NELL2: variants seen among roughly 807,000 people sequenced by gnomAD.
NELL2 encodes protein kinase C-binding protein NELL2.
Under a neutral mutation model 109.6 loss-of-function variants are expected in NELL2, and 41 were observed. The ratio of observed to expected loss-of-function variants is 0.37; its 90% CI spans 0.29 to 0.49. The LOEUF (loss-of-function observed/expected upper bound fraction) is 0.49. Ranked by LOEUF, NELL2 falls within the 20% of genes least tolerant of loss-of-function variation. NELL2 has a pLI of 0.98. For missense variants in NELL2, 900 were observed against 1,008.3 expected, an observed-to-expected ratio of 0.89 and a Z score of 1.45; for synonymous variants, 355 against 344.7, an observed-to-expected ratio of 1.03 and a Z score of -0.33.
At chr12:44,902,061 G>A (rs1945666842) in intron 1 of NELL2, among the ~76,000 whole-genome samples, 1 of 152,274 alleles carries the variant, frequency 6.6e-6, no homozygotes, top group East Asian at 1.9e-4. Flanking sequence ...GGGCAATCCG[G>A]CAAGAGAAAG....
intron 12 of NELL2, among the ~76,000 whole-genome samples, chr12:44,687,279 G>A (rs899436900): frequency 6.6e-5 from 10 of 152,258 alleles, no homozygotes; most frequent in East Asian, 3.9e-4. Context: ...CATGGTGCGC[G>A]CACCCACTGA....
chr12:44,521,200 T>G (rs925298192), intron 18 of NELL2, among the ~76,000 whole-genome samples: 4 of 152,336 alleles, frequency 2.6e-5, no homozygotes, highest in Non-Finnish European at 4.4e-5. Flanking sequence ...AATTCAATTC[T>G]AATATGTATT....
At chr12:44,814,147 A>T (rs1943261925) in intron 3 of NELL2, among the ~76,000 whole-genome samples, 1 of 152,140 alleles carries the variant, frequency 6.6e-6, no homozygotes, top group Non-Finnish European at 1.5e-5. Flanking sequence ...AAGCCTCAGG[A>T]GGAGCAGATG....
intron 2 of NELL2, among the ~76,000 whole-genome samples, chr12:44,828,535 T>A (rs887755741): frequency 1.3e-5 from 2 of 152,172 alleles, no homozygotes; most frequent in Non-Finnish European, 2.9e-5. Context: ...TTGTGAATAT[T>A]CAACCACATA....
chr12:44,595,490 G>A (rs1420372892), intron 15 of NELL2, among the ~76,000 whole-genome samples: 2 of 152,002 alleles, frequency 1.3e-5, no homozygotes, highest in African/African-American at 4.8e-5. Flanking sequence ...GCAGTGGTGC[G>A]AACTCGGCTC....
chr12:44,793,613 G>C (rs1942513003), intron 3 of NELL2, among the ~76,000 whole-genome samples: 1 of 152,132 alleles, frequency 6.6e-6, no homozygotes, highest in African/African-American at 2.4e-5. Flanking sequence ...CCATTAAGGA[G>C]TTAAATTACT....
chr12:44,517,996 C>T (rs540747566), intron 19 of NELL2, among the ~76,000 whole-genome samples: 1 of 151,956 alleles, frequency 6.6e-6, no homozygotes, highest in South Asian at 2.1e-4. Flanking sequence ...CAAAATAACA[C>T]AAAATAAATG....
Position 44,833,218 on chromosome 12 carries a change from T to C in NELL2, c.185-17082A>G, listed in dbSNP as rs1943940193. Reference sequence around the variant, plus strand: ...AAAACCTGGGTGTTCTACAAAGTGGTCTATAGAAAATTTCTTCACTATATT... The same window carrying C: ...AAAACCTGGGTGTTCTACAAAGTGGCCTATAGAAAATTTCTTCACTATATT... On this transcript the variant is annotated intron_variant, in intron 2 of 19. Transcript: ENST00000429094. Among the ~76,000 whole-genome samples the C allele has an allele frequency of 3.3e-5, 5 of 152,206 alleles. No individual in the cohort carries two copies. In the South Asian group the frequency reaches 1.0e-3, roughly 32 times the overall value.
rs2049175157 is a variant in NELL2, at chr12:44,791,100, T to TATATATATACACAC, written c.336-11079_336-11078insGTGTGTATATATAT. 1.6e-4 allele frequency among the ~76,000 whole-genome samples: 4 copies of TATATATATACACAC among 24,842 alleles called. No homozygotes were observed. The East Asian group carries it at 1.7e-3, about 10-fold the overall frequency. 16.3% of individuals were successfully genotyped at this position (24,842 alleles called of 152,430 possible). A position where few individuals can be genotyped will look rare whatever the true frequency, so the allele number is the denominator to read the frequency against. ...ATATATACATATATATATATATGTATATATATATGTATATATATATGTATA... is the reference window on the plus strand; with the variant it reads ...ATATATACATATATATATATATGTATATATATATACACACATATATATGTATATATATATGTATA... On this transcript the variant is annotated intron_variant, in intron 3 of 19. Coordinates refer to ENST00000429094, the MANE Select transcript of NELL2 (RefSeq NM_001145108.2).
At chr12:44,854,566 C>A (rs564311213) in intron 2 of NELL2, among the ~76,000 whole-genome samples, 37 of 152,304 alleles carry the variant, frequency 2.4e-4, no homozygotes, top group African/African-American at 8.9e-4. Context: ...TTTAATCTAA[C>A]TCCCATCTAC....
intron 13 of NELL2, among the ~76,000 whole-genome samples, chr12:44,648,615 C>G (rs1042667731): frequency 1.3e-5 from 2 of 149,922 alleles, no homozygotes; most frequent in Admixed American, 6.7e-5. Flanking sequence ...GAGGTAAAAA[C>G]TTACAGAGAA....
chr12:44,717,900 T>A (rs1435874469), intron 9 of NELL2, among the ~76,000 whole-genome samples: 3 of 152,066 alleles, frequency 2.0e-5, no homozygotes, highest in Non-Finnish European at 4.4e-5. Context: ...GAAGTCAGGC[T>A]CCTGGGGGAC....
intron 15 of NELL2, among the ~76,000 whole-genome samples, chr12:44,576,180 GCATCC>G (rs1245234224): frequency 6.6e-6 from 1 of 152,080 alleles, no homozygotes; most frequent in Non-Finnish European, 1.5e-5. Context: ...AAGCATTCAG[GCATCC>G]CTGAGTAGAT....
At chr12:44,589,090 TA>T (rs1944651426) in intron 15 of NELL2, among the ~76,000 whole-genome samples, 1 of 152,212 alleles carries the variant, frequency 6.6e-6, no homozygotes, top group Non-Finnish European at 1.5e-5. Flanking sequence ...AAGATGGAGT[TA>T]CTTCTCAGTA....
Position 44,517,816 on chromosome 12 carries a change from T to A in NELL2, c.2400+2189A>T, listed in dbSNP as rs138435993. On this transcript the variant is annotated intron_variant, in intron 19 of 19. Coordinates refer to ENST00000429094, the MANE Select transcript of NELL2 (RefSeq NM_001145108.2). Reference sequence around the variant, plus strand: ...GTTTTGCTTATCATTATACACCTGGTACCAGCACAATGCCCCACACGGTGT... The same window carrying A: ...GTTTTGCTTATCATTATACACCTGGAACCAGCACAATGCCCCACACGGTGT... Among the ~76,000 whole-genome samples the A allele has an allele frequency of 3.4e-3, 513 of 152,188 alleles. 6 individuals are homozygous for A. The highest frequency in any genetic ancestry group is 0.011 in the African/African-American group (451 of 41,528).
At chr12:44,893,025 A>T (rs1475655022) in intron 1 of NELL2, among the ~76,000 whole-genome samples, 1 of 152,140 alleles carries the variant, frequency 6.6e-6, no homozygotes, top group Admixed American at 6.5e-5. Flanking sequence ...CCACATAGTC[A>T]TTTCCTAGGG....
At chr12:44,878,784 A>G (rs746583635), upstream of NELL2, among the ~76,000 whole-genome samples, 2 of 152,168 alleles carry the variant, frequency 1.3e-5, no homozygotes, top group Non-Finnish European at 1.5e-5. Flanking sequence ...TTATATCTAC[A>G]TACACTCAAA....
At chr12:44,752,567 T>A (rs1349776265) in intron 9 of NELL2, among the ~76,000 whole-genome samples, 4 of 152,228 alleles carry the variant, frequency 2.6e-5, no homozygotes, top group South Asian at 2.1e-4. Context: ...TCCAAATACC[T>A]GGAATGACAT....
chr12:44,728,884 G>A (rs1284909475), intron 9 of NELL2, among the ~76,000 whole-genome samples: 1 of 152,050 alleles, frequency 6.6e-6, no homozygotes, highest in Non-Finnish European at 1.5e-5. Context: ...TAGCCAAACT[G>A]TCCTTCAAAA....
Sources: gnomAD v4.1 joint callset for allele counts (sites outside exome capture counted in the v4.1 genomes callset) on GRCh38, gnomAD v4.1.1 for gene constraint, MANE v1.5 for transcripts, NCBI Gene and HGNC (gene_info 2026-07-23, HGNC 2026-07-21) for gene names.